NPEPPS: variants seen among roughly 807,000 people sequenced by gnomAD.
NPEPPS encodes aminopeptidase puromycin sensitive.
Under a neutral mutation model 115.5 loss-of-function variants are expected in NPEPPS, and 14 were observed. The observed-to-expected ratio is 0.12, with a 90% CI of 0.08 to 0.19. The LOEUF is 0.19. NPEPPS is among the 10% of genes least tolerant of loss of function. The pLI, the probability that NPEPPS is intolerant of heterozygous loss-of-function variation, is 1.00. For missense variants in NPEPPS, 523 were observed against 1,110.8 expected (o/e 0.47, Z 7.52); for synonymous variants, 285 against 390.6 (o/e 0.73, Z 3.19).
At chr17:47,570,201 C>G (rs1911111323) in intron 3 of NPEPPS, among the ~76,000 whole-genome samples, 5 of 152,164 alleles carry the variant, frequency 3.3e-5, no homozygotes, top group Admixed American at 3.3e-4. Context: ...GCGGGCTGAT[C>G]ACTTGAAGCC....
chr17:47,559,804 G>A (rs1300310468), intron 2 of NPEPPS: 2 of 379,286 alleles, frequency 5.3e-6, no homozygotes, highest in East Asian at 7.4e-5. Flanking sequence ...GTCTCACTGT[G>A]CTACCTAGAT....
At chr17:47,575,535 T>C (rs1303658549) in intron 3 of NPEPPS, among the ~76,000 whole-genome samples, 1 of 150,102 alleles carries the variant, frequency 6.7e-6, no homozygotes. Flanking sequence ...ACAACTGATA[T>C]AAATATTAGA....
In NPEPPS at chr17:47,531,566, C is replaced by T. The variant is rs1463382479; in HGVS notation, c.255+11C>T. The T allele has an allele frequency of 6.3e-7, 1 of 1,592,836 alleles. No homozygotes were observed. The highest frequency in any genetic ancestry group is 1.3e-5 in the African/African-American group (1 of 74,298). ...GAGGCCGCCGCCCAGGTACAGCGAC[C>T]CTCGGGCCCCGGGGCAAGCTGCGGG... On this transcript the variant is annotated intron_variant, in intron 1 of 22. Coordinates refer to ENST00000322157, the MANE Select transcript of NPEPPS (RefSeq NM_006310.4).
At chr17:47,604,689 TA>T (rs1737533971) in intron 16 of NPEPPS, among the ~76,000 whole-genome samples, 1 of 152,222 alleles carries the variant, frequency 6.6e-6, no homozygotes, top group African/African-American at 2.4e-5. Flanking sequence ...AAACACAGAT[TA>T]GCATTGATGC....
intron 3 of NPEPPS, among the ~76,000 whole-genome samples, chr17:47,577,706 C>T (rs1911604547): frequency 6.6e-6 from 1 of 152,106 alleles, no homozygotes; most frequent in African/African-American, 2.4e-5. Context: ...AAGAATATAG[C>T]ACTTTCATTA....
At chr17:47,556,302 T>G (rs547250466) in intron 2 of NPEPPS, among the ~76,000 whole-genome samples, 1 of 151,816 alleles carries the variant, frequency 6.6e-6, no homozygotes, top group East Asian at 1.9e-4. Context: ...GCATGCTACC[T>G]TCAAGCATCT....
chr17:47,603,947 C>G lies in NPEPPS; in HGVS notation c.1773C>G (p.Thr591=). 3 of 1,613,146 alleles carry G rather than the reference C, an allele frequency of 1.9e-6. No homozygotes were observed. The highest frequency in any genetic ancestry group is 2.5e-6 in the Non-Finnish European group (3 of 1,179,502). ...LNLGTVGFYR[T]QYSSAMLESL... ...TAGGAACAGTTGGGTTTTATCGGAC[C>G]CAGTACAGCTCTGCCATGCTGGAAA... The change falls in exon 16 of 23, where the codon ACC becomes ACG. Residue 591 remains threonine, a synonymous_variant. Coordinates refer to ENST00000322157, the MANE Select transcript of NPEPPS (RefSeq NM_006310.4).
rs1294867980 is a variant in NPEPPS at position 47,551,966 on chromosome 17, C to CTTTTTTT, written c.340+5981_340+5987dup. Among the ~76,000 whole-genome samples the CTTTTTTT allele has an allele frequency of 4.0e-5, 4 of 100,890 alleles. 1 individual carries two copies. The highest frequency in any genetic ancestry group is 6.5e-5 in the African/African-American group (2 of 30,800). The allele number at this position is 100,890 out of a possible 152,430, so 66.2% of individuals were successfully genotyped here. On this transcript the variant is annotated intron_variant, in intron 2 of 22. Coordinates refer to ENST00000322157, the MANE Select transcript of NPEPPS (RefSeq NM_006310.4). ...TGATCTTGTTTGTTGGGATTTCTTT[C>CTTTTTTT]TTTTTTTTTTTTTTCTTTTTTTTTT...
intron 5 of NPEPPS, among the ~76,000 whole-genome samples, chr17:47,584,979 C>A (rs926518206): frequency 2.0e-5 from 3 of 152,236 alleles, no homozygotes; most frequent in Non-Finnish European, 2.9e-5. Flanking sequence ...AGGCACCCCC[C>A]ACCATGCCTG....
intron 12 of NPEPPS, among the ~76,000 whole-genome samples, chr17:47,593,905 A>T (rs1912672225): frequency 6.6e-6 from 1 of 152,210 alleles, no homozygotes. Context: ...CTATAATCCC[A>T]GCACTTTGGG....
At chr17:47,617,831 TTTAC>T (rs1914303811) in intron 19 of NPEPPS, among the ~76,000 whole-genome samples, 1 of 152,178 alleles carries the variant, frequency 6.6e-6, no homozygotes, top group Non-Finnish European at 1.5e-5. Context: ...CATCTAGTGA[TTTAC>T]TTACTGTAAC....
chr17:47,565,752 C>G (rs530133288), intron 2 of NPEPPS, among the ~76,000 whole-genome samples: 5 of 150,774 alleles, frequency 3.3e-5, no homozygotes, highest in Admixed American at 6.6e-5. Context: ...CCTGAGAGGT[C>G]AAGGTTGCAG....
chr17:47,592,321 A>G (rs1234227383), intron 11 of NPEPPS, among the ~76,000 whole-genome samples, 164 bp from the exon 12 acceptor site: 1 of 152,186 alleles, frequency 6.6e-6, no homozygotes, highest in Admixed American at 6.5e-5. Context: ...GGCATAGAGT[A>G]CGCATTATTA....
intron 1 of NPEPPS, among the ~76,000 whole-genome samples, chr17:47,535,513 G>A (rs1268658817): frequency 7.0e-5 from 10 of 143,606 alleles, no homozygotes; most frequent in Non-Finnish European, 9.0e-5. Flanking sequence ...ATCGCGCCAC[G>A]CACTCCAGCC....
rs397857323 is a variant in NPEPPS at position 47,542,546 on chromosome 17, CAAAAA to C, written c.256-3343_256-3339del. Reference sequence around the variant, plus strand: ...GGGCAACAAGAGCGAAGCTCCGTCTCAAAAAAAAAAAAAAAAAAAAAAAATTGGAA... The same window carrying C: ...GGGCAACAAGAGCGAAGCTCCGTCTCAAAAAAAAAAAAAAAAAAATTGGAA... On this transcript the variant is annotated intron_variant, in intron 1 of 22. Coordinates refer to ENST00000322157, the MANE Select transcript of NPEPPS (RefSeq NM_006310.4). Among the ~76,000 whole-genome samples the C allele has an allele frequency of 6.0e-5, 5 of 83,112 alleles. No individual in the cohort carries two copies. The East Asian group carries it at 1.4e-3, about 23-fold the overall frequency. The allele number at this position is 83,112 out of a possible 152,430, so 54.5% of individuals were successfully genotyped here.
At position 47,545,810 on chromosome 17, in the gene NPEPPS, G is replaced by A. The variant is rs1051835429; in HGVS notation, c.256-99G>A. ...GATCCTCTTTGCTTGGCCTCCCAAA[G>A]TGCTGGGATTACAGGTGTGTGCCAA... On this transcript the variant is annotated intron_variant, in intron 1 of 22. Coordinates refer to ENST00000322157, the MANE Select transcript of NPEPPS (RefSeq NM_006310.4). The A allele has an allele frequency of 5.4e-6, 8 of 1,476,252 alleles. No homozygotes were observed. The African/African-American group carries it at 8.4e-5, about 16-fold the overall frequency. The allele number at this position is 1,476,252 out of a possible 1,614,324, so 91.4% of individuals were successfully genotyped here.
upstream of NPEPPS, among the ~76,000 whole-genome samples, chr17:47,529,737 T>TTTTATATATATATA (rs1907595723): frequency 3.9e-5 from 1 of 25,634 alleles, no homozygotes; most frequent in African/African-American, 9.6e-5. Flanking sequence ...TTCAGTTACA[T>TTTTATATATATATA]TATATATATA....
intron 2 of NPEPPS, among the ~76,000 whole-genome samples, chr17:47,547,889 G>A (rs1909335272): frequency 6.6e-6 from 1 of 152,160 alleles, no homozygotes; most frequent in African/African-American, 2.4e-5. Context: ...AGCTGGGCGT[G>A]GTGGCGGGCG....
At chr17:47,570,653 C>T (rs927191193) in intron 3 of NPEPPS, among the ~76,000 whole-genome samples, 1 of 152,124 alleles carries the variant, frequency 6.6e-6, no homozygotes, top group Non-Finnish European at 1.5e-5. Flanking sequence ...ATATACAAAT[C>T]AATTGGTGAA....
Sources: allele counts gnomAD v4.1 joint callset (sites outside exome capture counted in the v4.1 genomes callset), GRCh38; gene constraint gnomAD v4.1.1; transcripts MANE v1.5; gene names NCBI Gene and HGNC (gene_info 2026-07-23, HGNC 2026-07-21).